The following SMARCC1 variants were observed in gnomAD, a reference collection of about 807,000 sequenced individuals.
SMARCC1 encodes the protein SWI/SNF related BAF chromatin remodeling complex subunit C1, also known as SWI/SNF complex subunit SMARCC1.
Under a neutral mutation model 147.4 loss-of-function variants are expected in SMARCC1, and 43 were observed. That is an observed-to-expected ratio of 0.29 (90% confidence interval 0.23 to 0.38). The LOEUF (loss-of-function observed/expected upper bound fraction) is 0.38, where lower values mean the gene tolerates loss of function less well. Ranked by LOEUF, SMARCC1 falls within the 10% of genes least tolerant of loss-of-function variation. SMARCC1 has a pLI of 1.00. For synonymous variants in SMARCC1, 495 were observed against 484.4 expected, an observed-to-expected ratio of 1.02 and a Z score of -0.29; for missense variants, 1,119 against 1,381.1, an observed-to-expected ratio of 0.81 and a Z score of 3.01.
intron 2 of SMARCC1, among the ~76,000 whole-genome samples, chr3:47,770,951 G>A (rs1345549713): frequency 6.6e-6 from 1 of 151,576 alleles, no homozygotes; most frequent in Non-Finnish European, 1.5e-5. Context: ...TCACTCTGTC[G>A]CCCAGGCCGG....
Position 47,590,646 on chromosome 3 carries a change from CT to C in SMARCC1, c.3220+14del. 1 of 1,498,422 alleles carries C rather than the reference CT, an allele frequency of 6.7e-7. No individual in the cohort carries two copies. Among genetic ancestry groups the C allele is most frequent in the Non-Finnish European group, 8.9e-7 (1 of 1,128,964 alleles). 92.8% of individuals were successfully genotyped at this position (1,498,422 alleles called of 1,614,324 possible). ...CGGACCCTGAGATAATGCATCCCCC[CT>C]CCATGTTACTTACACATGCCGTTAG... On this transcript the variant is annotated intron_variant, in intron 27 of 27. Transcript: ENST00000254480.
intron 25 of SMARCC1, 41 bp downstream of exon 25, chr3:47,622,166 T>C (rs1377841359): frequency 6.4e-7 from 1 of 1,572,772 alleles, no homozygotes; most frequent in Non-Finnish European, 8.6e-7. Flanking sequence ...GTGACCAAGG[T>C]TTAATTGTGA....
At position 47,662,294 on chromosome 3, in the gene SMARCC1, G is replaced by A. The variant is rs76339290; in HGVS notation, c.2158+40C>T. 1,449 of 1,568,284 alleles carry A rather than the reference G, an allele frequency of 9.2e-4. 9 individuals carry two copies. In the African/African-American group the frequency reaches 0.014, roughly 15 times the overall value. ...GGTAATATTTAAATTGGGATAAACT[G>A]AGTTTTTCTGTTGAGGAGATGGTTT... On this transcript the variant is annotated intron_variant, in intron 20 of 27. Coordinates refer to ENST00000254480, the MANE Select transcript of SMARCC1 (RefSeq NM_003074.4).
intron 13 of SMARCC1, among the ~76,000 whole-genome samples, chr3:47,687,347 T>A (rs754870481): frequency 6.6e-6 from 1 of 152,212 alleles, no homozygotes; most frequent in Non-Finnish European, 1.5e-5. Flanking sequence ...TTACAGACTT[T>A]ACAAATCATT....
At chr3:47,747,302 G>A (rs946383811) in intron 2 of SMARCC1, among the ~76,000 whole-genome samples, 2 of 151,272 alleles carry the variant, frequency 1.3e-5, no homozygotes, top group Non-Finnish European at 2.9e-5. Flanking sequence ...CCAGGCATGG[G>A]GGGAGTGTGC....
At chr3:47,709,831 G>C (rs2034062745) in intron 9 of SMARCC1, among the ~76,000 whole-genome samples, 1 of 152,134 alleles carries the variant, frequency 6.6e-6, no homozygotes, top group Non-Finnish European at 1.5e-5. Flanking sequence ...TACCACACAA[G>C]TTGTCCTTCC....
chr3:47,639,471 T>C (rs1243364368), intron 21 of SMARCC1, among the ~76,000 whole-genome samples: 1 of 152,178 alleles, frequency 6.6e-6, no homozygotes, highest in East Asian at 1.9e-4. Flanking sequence ...CCCAGCACTT[T>C]GGGAGGCCGA....
chr3:47,704,457 T>C (rs894639658), intron 10 of SMARCC1, among the ~76,000 whole-genome samples: 1 of 152,192 alleles, frequency 6.6e-6, no homozygotes, highest in Non-Finnish European at 1.5e-5. Flanking sequence ...AGAGGGTATA[T>C]GTCACCACTG....
intron 7 of SMARCC1, among the ~76,000 whole-genome samples, chr3:47,719,610 G>A (rs977659359): frequency 6.6e-5 from 10 of 152,086 alleles, no homozygotes; most frequent in African/African-American, 2.4e-4. Context: ...GATGGAGGCA[G>A]GAGAATCACT....
intron 24 of SMARCC1, among the ~76,000 whole-genome samples, chr3:47,632,358 G>C (rs767577859): frequency 4.6e-5 from 7 of 151,984 alleles, no homozygotes; most frequent in Non-Finnish European, 8.8e-5. Context: ...GGCTGGTCCT[G>C]AACTCCTGAG....
chr3:47,718,500 G>A (rs6786001), intron 7 of SMARCC1, among the ~76,000 whole-genome samples: 91,519 of 151,820 alleles, frequency 0.6, 28,954 homozygotes, highest in East Asian at 0.72. Context: ...TTCAAATGGT[G>A]TTTGGGATTT....
chr3:47,724,543 A>G (rs1370131499), intron 6 of SMARCC1, among the ~76,000 whole-genome samples: 6 of 152,220 alleles, frequency 3.9e-5, no homozygotes, highest in Non-Finnish European at 8.8e-5. Flanking sequence ...ACACAAATTC[A>G]TAAGTTTTCT....
chr3:47,677,401 GTTTT>G (rs34045811), intron 16 of SMARCC1, among the ~76,000 whole-genome samples: 2 of 141,044 alleles, frequency 1.4e-5, no homozygotes, highest in Non-Finnish European at 1.5e-5. Context: ...ATGCCTGGCC[GTTTT>G]TTTTTTTTTT....
Position 47,710,733 on chromosome 3 carries a change from T to A in SMARCC1, c.868A>T (p.Asn290Tyr). ...TGACGAAAACTCACAGGCTTCCTAT[T>A]TTCATCCACCTCATAATCCTCCTCA... ...MNEEDYEVDENRKPVSFRQRI... is the reference protein window; with the variant it reads ...MNEEDYEVDEYRKPVSFRQRI... Residue 290 changes from asparagine to tyrosine, a missense_variant, in exon 9 of 28, where the codon AAT (asparagine) becomes TAT (tyrosine). Asn to Tyr is a moderately radical substitution (Grantham distance 143). Around this residue, in one of 6 missense-constraint regions of SMARCC1, gnomAD observed 542 missense variants for 611.8 expected, o/e 0.89. Coordinates refer to ENST00000254480, the MANE Select transcript of SMARCC1 (RefSeq NM_003074.4). The A allele has an allele frequency of 6.2e-7, 1 of 1,613,766 alleles. No homozygotes were observed. Among genetic ancestry groups the A allele is most frequent in the Non-Finnish European group, 8.5e-7 (1 of 1,179,826 alleles).
intron 24 of SMARCC1, among the ~76,000 whole-genome samples, chr3:47,629,453 G>A (rs918733981): frequency 1.3e-5 from 2 of 152,156 alleles, no homozygotes; most frequent in African/African-American, 4.8e-5. Flanking sequence ...ACCTTGAGCT[G>A]TGCTCTGTGT....
chr3:47,680,683 GACT>G (rs2033633683), intron 14 of SMARCC1, among the ~76,000 whole-genome samples, 175 bp from the exon 15 acceptor site: 1 of 149,694 alleles, frequency 6.7e-6, no homozygotes, highest in Non-Finnish European at 1.5e-5. Flanking sequence ...AAGTAGCTGG[GACT>G]ACAGGCGCCC....
intron 13 of SMARCC1, among the ~76,000 whole-genome samples, chr3:47,686,760 G>T (rs1308544323): frequency 3.3e-5 from 5 of 152,094 alleles, no homozygotes; most frequent in Non-Finnish European, 7.4e-5. Flanking sequence ...TGAGGCAGGA[G>T]GATCACTTGA....
At chr3:47,767,878 CTTT>C (rs60907462) in intron 2 of SMARCC1, among the ~76,000 whole-genome samples, 1 of 145,386 alleles carries the variant, frequency 6.9e-6, no homozygotes. Flanking sequence ...ACAGTGAACT[CTTT>C]TTTTTTTTTT....
intron 26 of SMARCC1, chr3:47,603,707 T>C (rs571615333): frequency 5.3e-4 from 128 of 241,180 alleles, no homozygotes; most frequent in Non-Finnish European, 9.5e-4. Flanking sequence ...AATTTTATAG[T>C]TTAAATGAAA....
Sources: gnomAD v4.1 joint callset for allele counts (sites outside exome capture counted in the v4.1 genomes callset) on GRCh38, gnomAD v4.1.1 for gene constraint, gnomAD v4.1.1 regional missense constraint, MANE v1.5 for transcripts, NCBI Gene and HGNC (gene_info 2026-07-23, HGNC 2026-07-21) for gene names.